Variants in ANO6 observed in about 807,000 individuals in gnomAD.
ANO6 encodes anoctamin-6.
ANO6 carries 106 observed loss-of-function variants against 117.5 expected under a neutral mutation model. That is an observed-to-expected ratio of 0.90 (90% CI 0.77 to 1.06). ANO6 has a LOEUF of 1.06. Ranked by LOEUF, ANO6 falls within the 50% of genes least tolerant of loss-of-function variation. The probability of loss-of-function intolerance (pLI) is 0.00; values close to 1 mark genes in which losing one functional copy is unlikely to be tolerated. For missense variants in ANO6, 955 were observed against 1,121.1 expected, an observed-to-expected ratio of 0.85 and a Z score of 2.12; for synonymous variants, 367 against 385.1, an observed-to-expected ratio of 0.95 and a Z score of 0.55.
intron 2 of ANO6, among the ~76,000 whole-genome samples, chr12:45,319,820 T>C (rs1233127939): frequency 6.6e-6 from 1 of 152,208 alleles, no homozygotes; most frequent in Admixed American, 6.5e-5. Flanking sequence ...ATTGAGCGAT[T>C]CAACTTCTTC....
chr12:45,389,593 C>T (rs929215560), intron 11 of ANO6, among the ~76,000 whole-genome samples: 1 of 152,182 alleles, frequency 6.6e-6, no homozygotes, highest in Non-Finnish European at 1.5e-5. Flanking sequence ...GGTTATTCCT[C>T]GTTTCACTTT....
chr12:45,403,663 C>A, intron 15 of ANO6, 127 bp downstream of exon 15: 1 of 785,508 alleles, frequency 1.3e-6, no homozygotes, highest in South Asian at 1.5e-5. Flanking sequence ...GGATCAGAAT[C>A]TGTTGTCATT....
chr12:45,311,025 T>C (rs1939832471), intron 2 of ANO6, among the ~76,000 whole-genome samples: 1 of 151,980 alleles, frequency 6.6e-6, no homozygotes, highest in Admixed American at 6.6e-5. Context: ...TTTTTTTCAA[T>C]GGAGGTTGTT....
intron 1 of ANO6, among the ~76,000 whole-genome samples, chr12:45,268,824 A>G (rs545028074): frequency 2.0e-5 from 3 of 152,360 alleles, no homozygotes; most frequent in South Asian, 2.1e-4. Context: ...TGTCTGGATC[A>G]TTAACGGGCA....
chr12:45,400,770 G>T (rs1164436772), intron 12 of ANO6, among the ~76,000 whole-genome samples: 1 of 152,140 alleles, frequency 6.6e-6, no homozygotes, highest in Admixed American at 6.5e-5. Context: ...GTGACAACTG[G>T]CCTCTGTTAC....
chr12:45,380,444 G>A (rs1352936046), intron 10 of ANO6, among the ~76,000 whole-genome samples: 1 of 152,230 alleles, frequency 6.6e-6, no homozygotes, highest in East Asian at 1.9e-4. Flanking sequence ...GAACCAGGAA[G>A]CCTAACTAGC....
chr12:45,302,457 A>G (rs1179532916), intron 2 of ANO6, among the ~76,000 whole-genome samples: 5 of 152,166 alleles, frequency 3.3e-5, no homozygotes, highest in Admixed American at 1.3e-4. Context: ...ATACAGGTAT[A>G]TTGACCAGTG....
At chr12:45,422,855 T>G (rs962577099) in intron 18 of ANO6, 102 bp from the exon 19 acceptor site, 54 of 894,996 alleles carry the variant, frequency 6.0e-5, no homozygotes, top group Non-Finnish European at 9.4e-5. Flanking sequence ...ATTACAGGCA[T>G]GAGCCACTGC....
At chr12:45,295,683 C>T (rs1038837926) in intron 1 of ANO6, among the ~76,000 whole-genome samples, 2 of 152,016 alleles carry the variant, frequency 1.3e-5, no homozygotes, top group African/African-American at 4.8e-5. Context: ...GCCTCAGCCT[C>T]CAGAGTAGCT....
chr12:45,263,549 C>G (rs1938117617), intron 1 of ANO6, among the ~76,000 whole-genome samples: 1 of 152,028 alleles, frequency 6.6e-6, no homozygotes, highest in Non-Finnish European at 1.5e-5. Context: ...TTGTTACCTA[C>G]TGTGCTATTC....
Position 45,431,629 on chromosome 12 carries a change from T to C in ANO6, c.*2318T>C, listed in dbSNP as rs1362303475. 5 of 985,250 alleles carry C rather than the reference T, an allele frequency of 5.1e-6. No homozygotes were observed. Among genetic ancestry groups the C allele is most frequent in the Non-Finnish European group, 6.0e-6 (5 of 829,928 alleles). 61.0% of individuals were successfully genotyped at this position (985,250 alleles called of 1,614,324 possible). On this transcript the variant is annotated 3_prime_UTR_variant, in exon 20 of 20. Coordinates refer to ENST00000320560, the MANE Select transcript of ANO6 (RefSeq NM_001025356.3). Reference sequence around the variant, plus strand: ...GCAAAGTTGTAGTGGAGATGCAGGGTCATTTCCCCATGCCATCCACAGTGT... The same window carrying C: ...GCAAAGTTGTAGTGGAGATGCAGGGCCATTTCCCCATGCCATCCACAGTGT...
intron 10 of ANO6, among the ~76,000 whole-genome samples, chr12:45,382,371 AAAGTGCAAC>A (rs1263061550): frequency 6.6e-6 from 1 of 152,210 alleles, no homozygotes. Flanking sequence ...TGTAGGTGTC[AAAGTGCAAC>A]AAGATTTTAA....
intron 1 of ANO6, among the ~76,000 whole-genome samples, chr12:45,236,467 T>G (rs1947646780): frequency 6.6e-6 from 1 of 152,126 alleles, no homozygotes; most frequent in Non-Finnish European, 1.5e-5. Flanking sequence ...CAACTATAAA[T>G]GAGAACATGA....
intron 3 of ANO6, among the ~76,000 whole-genome samples, chr12:45,338,204 T>C (rs1316801518): frequency 6.6e-6 from 1 of 152,076 alleles, no homozygotes; most frequent in Non-Finnish European, 1.5e-5. Context: ...CAAAACTGGT[T>C]GTTCCAAAGC....
At chr12:45,349,162 A>C (rs1941220096) in intron 6 of ANO6, among the ~76,000 whole-genome samples, 1 of 152,212 alleles carries the variant, frequency 6.6e-6, no homozygotes, top group African/African-American at 2.4e-5. Flanking sequence ...TATCAACCAG[A>C]AAAGATTAGT....
intron 1 of ANO6, chr12:45,270,323 A>T (rs769537910): frequency 1.5e-4 from 178 of 1,212,902 alleles, no homozygotes; most frequent in Non-Finnish European, 1.8e-4. Context: ...ATGAGAGCAA[A>T]AATGGTCAAA....
intron 1 of ANO6, among the ~76,000 whole-genome samples, chr12:45,216,797 C>T (rs1424073078): frequency 6.6e-6 from 1 of 152,208 alleles, no homozygotes; most frequent in African/African-American, 2.4e-5. Flanking sequence ...GGGGAGCAGG[C>T]CCGCATTTGG....
intron 1 of ANO6, among the ~76,000 whole-genome samples, chr12:45,250,323 C>A (rs1055848721): frequency 6.6e-6 from 1 of 152,162 alleles, no homozygotes; most frequent in Non-Finnish European, 1.5e-5. Context: ...AATAGTAATT[C>A]TTTCCCAATT....
At chr12:45,253,043 G>A (rs1444099800) in intron 1 of ANO6, among the ~76,000 whole-genome samples, 2 of 152,146 alleles carry the variant, frequency 1.3e-5, no homozygotes, top group Admixed American at 1.3e-4. Flanking sequence ...GTAGATACTG[G>A]TATAACATTG....
Sources: allele counts gnomAD v4.1 joint callset (sites outside exome capture counted in the v4.1 genomes callset), GRCh38; gene constraint gnomAD v4.1.1; transcripts MANE v1.5; gene names NCBI Gene and HGNC (gene_info 2026-07-23, HGNC 2026-07-21).